The following ITPK1 variants were observed in gnomAD, a reference collection of about 807,000 sequenced individuals.
ITPK1 encodes the protein inositol-tetrakisphosphate 1-kinase.
ITPK1 carries 21 observed loss-of-function variants against 45.3 expected under a neutral mutation model. The ratio of observed to expected loss-of-function variants is 0.46; its 90% CI spans 0.33 to 0.67. ITPK1 has a LOEUF of 0.67. Ranked by LOEUF, ITPK1 falls within the 30% of genes least tolerant of loss-of-function variation. The pLI is 0.02. For synonymous variants in ITPK1, 258 were observed against 253.6 expected (o/e 1.02, Z -0.16); for missense variants, 474 against 573.5 (o/e 0.83, Z 1.77).
intron 3 of ITPK1, among the ~76,000 whole-genome samples, chr14:93,044,844 G>A (rs1889713640): frequency 6.6e-6 from 1 of 152,184 alleles, no homozygotes; most frequent in African/African-American, 2.4e-5. Flanking sequence ...GACTAGCGTG[G>A]GCCGCAAGTC....
At chr14:92,956,654 G>A (rs1392700907) in intron 8 of ITPK1, among the ~76,000 whole-genome samples, 2 of 152,184 alleles carry the variant, frequency 1.3e-5, no homozygotes, top group African/African-American at 4.8e-5. Context: ...AGATCTGACA[G>A]TAAATTTCTT....
chr14:92,979,940 C>T (rs1208417464), intron 5 of ITPK1, among the ~76,000 whole-genome samples: 1 of 151,994 alleles, frequency 6.6e-6, no homozygotes, highest in Non-Finnish European at 1.5e-5. Context: ...ATCACCACGC[C>T]TGGCTAATTT....
At chr14:92,979,818 C>CTT (rs34155349) in intron 5 of ITPK1, among the ~76,000 whole-genome samples, 1 of 144,804 alleles carries the variant, frequency 6.9e-6, no homozygotes. Flanking sequence ...TTTTTAATCC[C>CTT]TTTTTTTTTT....
intron 2 of ITPK1, among the ~76,000 whole-genome samples, chr14:93,097,308 A>G (rs1371251993): frequency 1.3e-5 from 2 of 152,168 alleles, no homozygotes; most frequent in African/African-American, 2.4e-5. Context: ...TGTTTTGGCC[A>G]ACAAACTGTA....
chr14:92,939,896 A>G lies in ITPK1; in HGVS notation c.*1665T>C. On this transcript the variant is annotated 3_prime_UTR_variant, in exon 11 of 11. Coordinates refer to ENST00000267615, the MANE Select transcript of ITPK1 (RefSeq NM_014216.6). ...ATTTCAGTAGTTTATTTTGGAGACA[A>G]AGCAGTGCAAGAGGCCAGCCACGCT... is the stretch of plus-strand genomic sequence containing the variant. 1 of 985,892 alleles carries G rather than the reference A, an allele frequency of 1.0e-6. No homozygotes were observed. The highest frequency in any genetic ancestry group is 1.2e-6 in the Non-Finnish European group (1 of 829,944). 61.1% of individuals were successfully genotyped at this position (985,892 alleles called of 1,614,324 possible). A position where few individuals can be genotyped will look rare whatever the true frequency, so the allele number is the denominator to read the frequency against.
chr14:92,940,527 G>C lies in ITPK1; in HGVS notation c.*1034C>G. 8.6e-7 allele frequency: 1 copy of C among 1,168,988 alleles called. No homozygotes were observed. Among genetic ancestry groups the C allele is most frequent in the South Asian group, 1.6e-5 (1 of 61,904 alleles). 72.4% of individuals were successfully genotyped at this position (1,168,988 alleles called of 1,614,324 possible). A position where few individuals can be genotyped will look rare whatever the true frequency, so the allele number is the denominator to read the frequency against. On this transcript the variant is annotated 3_prime_UTR_variant, in exon 11 of 11. Transcript: ENST00000267615. Reference sequence around the variant, plus strand: ...GAGGTGGACCAGGCCTGCTGGGTGAGGAGGGACCCAGCAGGTGTGAAAAGG... The same window carrying C: ...GAGGTGGACCAGGCCTGCTGGGTGACGAGGGACCCAGCAGGTGTGAAAAGG...
At chr14:93,046,035 C>T (rs1889758871) in intron 3 of ITPK1, among the ~76,000 whole-genome samples, 1 of 152,216 alleles carries the variant, frequency 6.6e-6, no homozygotes, top group Admixed American at 6.5e-5. Flanking sequence ...CAAGCCCTCA[C>T]CAGGCACACA....
In ITPK1 at chr14:92,940,789, C is replaced by A. The variant is rs35502373; in HGVS notation, c.*772G>T. The A allele has an allele frequency of 1.6e-6, 2 of 1,287,822 alleles. No individual in the cohort carries two copies. Among genetic ancestry groups the A allele is most frequent in the African/African-American group, 1.5e-5 (1 of 65,802 alleles). The allele number at this position is 1,287,822 out of a possible 1,614,324, so 79.8% of individuals were successfully genotyped here. A position where few individuals can be genotyped will look rare whatever the true frequency, so the allele number is the denominator to read the frequency against. ...CACAAATCCTCAGCACAGGCGCCAT[C>A]GGCTCGGGCCTCCAGCCAGGCAGCC... is the stretch of plus-strand genomic sequence containing the variant. On this transcript the variant is annotated 3_prime_UTR_variant, in exon 11 of 11. Transcript: ENST00000267615.
intron 5 of ITPK1, among the ~76,000 whole-genome samples, chr14:92,989,472 G>A (rs1317999681): frequency 5.3e-5 from 8 of 152,174 alleles, no homozygotes; most frequent in South Asian, 4.1e-4. Flanking sequence ...ATGCAATTAC[G>A]GCCCAGGTGC....
chr14:93,078,843 G>C (rs549623761), intron 2 of ITPK1, among the ~76,000 whole-genome samples: 5 of 152,106 alleles, frequency 3.3e-5, no homozygotes, highest in Non-Finnish European at 7.4e-5. Flanking sequence ...CCTGACCCAG[G>C]ACACACAGCA....
chr14:92,994,698 C>G (rs910217970), intron 4 of ITPK1, among the ~76,000 whole-genome samples: 1 of 152,184 alleles, frequency 6.6e-6, no homozygotes, highest in Non-Finnish European at 1.5e-5. Context: ...GGAGCCCACC[C>G]TTGCTCCCAA....
At chr14:93,037,842 TG>T (rs534119323) in intron 3 of ITPK1, among the ~76,000 whole-genome samples, 8 of 152,242 alleles carry the variant, frequency 5.3e-5, no homozygotes, top group Non-Finnish European at 8.8e-5. Context: ...TAATGTCCAT[TG>T]TAAGAGATGT....
chr14:93,006,846 C>T lies in ITPK1; in HGVS notation c.246+9830G>A, dbSNP rs192928477. Among the ~76,000 whole-genome samples, 146 of 152,346 alleles carry T rather than the reference C, an allele frequency of 9.6e-4. 2 individuals are homozygous for T. The highest frequency in any genetic ancestry group is 3.2e-3 in the African/African-American group (132 of 41,584). Reference sequence around the variant, plus strand: ...ACTCCCCCTTTTTCCAGGCCTGCCACTGAAAACAATACCTCCCCTCTGTCC... The same window carrying T: ...ACTCCCCCTTTTTCCAGGCCTGCCATTGAAAACAATACCTCCCCTCTGTCC... On this transcript the variant is annotated intron_variant, in intron 4 of 10. Coordinates refer to ENST00000267615, the MANE Select transcript of ITPK1 (RefSeq NM_014216.6).
chr14:93,095,998 T>C (rs1282099573), intron 2 of ITPK1, among the ~76,000 whole-genome samples: 1 of 152,170 alleles, frequency 6.6e-6, no homozygotes, highest in African/African-American at 2.4e-5. Context: ...GCCTTTGCCT[T>C]CTACCTCCTG....
intron 5 of ITPK1, among the ~76,000 whole-genome samples, chr14:92,973,913 C>G (rs1885794554): frequency 6.6e-6 from 1 of 152,210 alleles, no homozygotes; most frequent in South Asian, 2.1e-4. Flanking sequence ...GTCCACGTGG[C>G]CTGGCTGGAG....
chr14:93,087,110 C>T (rs774345705), intron 2 of ITPK1, among the ~76,000 whole-genome samples: 63 of 152,214 alleles, frequency 4.1e-4, no homozygotes, highest in Non-Finnish European at 6.9e-4. Flanking sequence ...AAAAACAACA[C>T]AAATGTATTA....
At chr14:93,091,754 T>G (rs1439101601) in intron 2 of ITPK1, among the ~76,000 whole-genome samples, 1 of 152,072 alleles carries the variant, frequency 6.6e-6, no homozygotes, top group Non-Finnish European at 1.5e-5. Context: ...CACCTGAAGC[T>G]CAGACAGGCT....
Position 93,093,610 on chromosome 14 carries a change from TTC to T in ITPK1, c.96-16993_96-16992del, listed in dbSNP as rs1399638056. ...CTTGGGGGTCTTGTTAAAACACAGATTCTGAGTCCGTGGATACAGAGGGCGTG... is the reference window on the plus strand; with the variant it reads ...CTTGGGGGTCTTGTTAAAACACAGATTGAGTCCGTGGATACAGAGGGCGTG... On this transcript the variant is annotated intron_variant, in intron 2 of 10. Transcript: ENST00000267615. Among the ~76,000 whole-genome samples, 9 of 152,298 alleles carry T rather than the reference TTC, an allele frequency of 5.9e-5. No homozygotes were observed. In the East Asian group the frequency reaches 1.7e-3, roughly 29 times the overall value.
intron 5 of ITPK1, among the ~76,000 whole-genome samples, chr14:92,990,133 A>T (rs1011043722): frequency 2.6e-5 from 4 of 152,108 alleles, no homozygotes; most frequent in African/African-American, 9.7e-5. Flanking sequence ...CAGAACAAGG[A>T]CTCAATTTCC....
Sources: allele counts gnomAD v4.1 joint callset (sites outside exome capture counted in the v4.1 genomes callset), GRCh38; gene constraint gnomAD v4.1.1; transcripts MANE v1.5; gene names NCBI Gene and HGNC (gene_info 2026-07-23, HGNC 2026-07-21).